The following AK9 variants were observed in gnomAD, a reference collection of about 807,000 sequenced individuals.
The protein encoded by AK9 is adenylate kinase 9, also known as adenylate kinase domain containing 1.
AK9 carries 191 observed loss-of-function variants against 239.6 expected under a neutral mutation model. The observed-to-expected ratio is 0.80, with a 90% CI of 0.71 to 0.90. The LOEUF is 0.90. Among genes scored for constraint, AK9 ranks in the 40% least tolerant of loss-of-function variants. AK9 has a pLI of 0.00. For synonymous variants in AK9, 689 were observed against 721.0 expected, an observed-to-expected ratio of 0.96 and a Z score of 0.71; for missense variants, 1,995 against 2,214.7, an observed-to-expected ratio of 0.90 and a Z score of 1.99.
intron 24 of AK9, among the ~76,000 whole-genome samples, chr6:109,553,684 AC>A (rs1434669779): frequency 1.3e-5 from 2 of 152,094 alleles, no homozygotes; most frequent in Non-Finnish European, 2.9e-5. Context: ...CTATTTGAAT[AC>A]CCTTTATTTC....
At chr6:109,648,652 T>A (rs1798448583) in intron 8 of AK9, among the ~76,000 whole-genome samples, 1 of 152,208 alleles carries the variant, frequency 6.6e-6, no homozygotes, top group African/African-American at 2.4e-5. Context: ...AGCCAAATTC[T>A]ACCAAAGGTA....
At chr6:109,553,691 A>G (rs1784625407) in intron 24 of AK9, among the ~76,000 whole-genome samples, 1 of 152,080 alleles carries the variant, frequency 6.6e-6, no homozygotes, top group African/African-American at 2.4e-5. Context: ...AATACCCTTT[A>G]TTTCTTTATC....
chr6:109,611,407 C>T (rs779435157), intron 16 of AK9, among the ~76,000 whole-genome samples: 4 of 152,274 alleles, frequency 2.6e-5, no homozygotes, highest in Non-Finnish European at 4.4e-5. Context: ...TGCTAGAAGC[C>T]GCTAATTGTC....
intron 12 of AK9, among the ~76,000 whole-genome samples, chr6:109,624,265 T>C (rs1388534581): frequency 6.6e-6 from 1 of 152,146 alleles, no homozygotes; most frequent in African/African-American, 2.4e-5. Context: ...TGGGCTCTCC[T>C]TCCCCCACCA....
intron 8 of AK9, among the ~76,000 whole-genome samples, chr6:109,645,073 C>T (rs1278738085): frequency 6.6e-6 from 1 of 152,130 alleles, no homozygotes; most frequent in East Asian, 1.9e-4. Context: ...TTAGAAGATA[C>T]AACGTATTTT....
At chr6:109,563,836 T>C (rs1191398210) in intron 23 of AK9, 124 bp from the exon 24 acceptor site, 3 of 1,244,416 alleles carry the variant, frequency 2.4e-6, no homozygotes, top group Non-Finnish European at 3.3e-6. Context: ...TAAATATGTA[T>C]GCAAATAGGC....
intron 5 of AK9, among the ~76,000 whole-genome samples, chr6:109,667,234 G>A (rs1801323639): frequency 6.6e-6 from 1 of 151,710 alleles, no homozygotes; most frequent in Non-Finnish European, 1.5e-5. Flanking sequence ...CCCTGGAAGT[G>A]CACATATCTC....
intron 37 of AK9, 59 bp from the exon 38 acceptor site, chr6:109,497,622 T>C: frequency 7.3e-7 from 1 of 1,371,936 alleles, no homozygotes; most frequent in Non-Finnish European, 1.0e-6. Flanking sequence ...CAGTCCTGTG[T>C]AAATAAAAAG....
At position 109,619,108 on chromosome 6, in the gene AK9, C is replaced by A. The variant is rs1382182475; in HGVS notation, c.1383G>T (p.Leu461=). The change falls in exon 13 of 41, where the codon CTG becomes CTT. Residue 461 remains leucine (L), a synonymous_variant. Transcript: ENST00000424296. ...ATGTTTCACCTTGTTTTCTAGCTTGCAGTTCCCTGAGAAGCTTTTCTTTCA... is the reference window on the plus strand; with the variant it reads ...ATGTTTCACCTTGTTTTCTAGCTTGAAGTTCCCTGAGAAGCTTTTCTTTCA... ...KVVKEKLLRE[L]QARKQAETAL... 10 of 1,541,508 alleles carry A rather than the reference C, an allele frequency of 6.5e-6. No individual in the cohort carries two copies. The highest frequency in any genetic ancestry group is 1.4e-5 in the African/African-American group (1 of 72,332).
chr6:109,641,368 T>G (rs1775708965), intron 10 of AK9, 150 bp downstream of exon 10: 1 of 339,092 alleles, frequency 2.9e-6, no homozygotes, highest in Admixed American at 5.0e-5. Context: ...TTTTTTTTTT[T>G]GTAGAGATGG....
chr6:109,499,477 T>G lies in AK9; in HGVS notation c.4850-237A>C, dbSNP rs140851846. On this transcript the variant is annotated intron_variant, in intron 35 of 40. Transcript: ENST00000424296. ...TCTTTTTCAGTCTTTTTTCTATACC[T>G]TCACATACATACTTTTTTGCATATA... Among the ~76,000 whole-genome samples, 470 of 152,336 alleles carry G rather than the reference T, an allele frequency of 3.1e-3. 10 individuals carry two copies. In the East Asian group the frequency reaches 0.059, roughly 19 times the overall value.
intron 8 of AK9, among the ~76,000 whole-genome samples, chr6:109,645,451 C>T (rs1797935298): frequency 6.6e-6 from 1 of 152,228 alleles, no homozygotes; most frequent in Non-Finnish European, 1.5e-5. Flanking sequence ...GAGCCTTGCT[C>T]ACTGCTAGCA....
intron 10 of AK9, among the ~76,000 whole-genome samples, chr6:109,637,952 G>T (rs1441454758): frequency 1.3e-5 from 2 of 152,178 alleles, no homozygotes; most frequent in African/African-American, 4.8e-5. Context: ...ATCAGTCTGG[G>T]ATTTGGGCCT....
chr6:109,655,304 G>A (rs1432190625), intron 8 of AK9, among the ~76,000 whole-genome samples: 15 of 152,170 alleles, frequency 9.9e-5, no homozygotes, highest in Admixed American at 7.9e-4. Flanking sequence ...CAGTGAAGCT[G>A]AACATTTTTT....
At chr6:109,563,462 C>T (rs1366847445) in intron 24 of AK9, 135 bp downstream of exon 24, 6 of 1,325,316 alleles carry the variant, frequency 4.5e-6, no homozygotes, top group African/African-American at 1.5e-5. Context: ...TCAAGTGAAG[C>T]TGAGGCAGAG....
intron 38 of AK9, among the ~76,000 whole-genome samples, chr6:109,495,793 G>A (rs1776970608): frequency 6.6e-6 from 1 of 152,056 alleles, no homozygotes. Flanking sequence ...CACAAGCAGA[G>A]CTACCCACTT....
intron 8 of AK9, among the ~76,000 whole-genome samples, chr6:109,652,101 A>T (rs565448363): frequency 7.9e-5 from 12 of 152,304 alleles, no homozygotes; most frequent in African/African-American, 2.4e-4. Flanking sequence ...GAAACAACAA[A>T]AAAAGAGAAT....
intron 1 of AK9, among the ~76,000 whole-genome samples, chr6:109,683,756 A>T (rs1773034856): frequency 6.6e-6 from 1 of 152,252 alleles, no homozygotes; most frequent in Admixed American, 6.5e-5. Flanking sequence ...GAGAGGACAC[A>T]AACAAATGGA....
At position 109,499,060 on chromosome 6, in the gene AK9, G is replaced by C. The variant is rs746816252; in HGVS notation, c.5030C>G (p.Ser1677Cys). Residue 1677 changes from serine (S) to cysteine (C), a missense_variant, in exon 36 of 41, where the codon TCT (serine) becomes TGT (cysteine). By Grantham distance (112) the Ser-to-Cys change is moderately radical. This residue lies in a region of AK9 where 391 missense variants were observed against 456.0 expected (regional missense o/e 0.86). Transcript: ENST00000424296. ...CAAACTTACATTCAGTTTTTCCTGAGAACTCATTTTATAGTAGTGCCCCCT... is the reference window on the plus strand; with the variant it reads ...CAAACTTACATTCAGTTTTTCCTGACAACTCATTTTATAGTAGTGCCCCCT... ...EFRGHYYKMS[S>C]QEKLNKFLEN... 6 of 1,523,042 alleles carry C rather than the reference G, an allele frequency of 3.9e-6. 1 individual carries two copies. Among genetic ancestry groups the C allele is most frequent in the South Asian group, 2.5e-5 (2 of 78,850 alleles). 94.3% of individuals were successfully genotyped at this position (1,523,042 alleles called of 1,614,324 possible).
Sources: allele counts gnomAD v4.1 joint callset (sites outside exome capture counted in the v4.1 genomes callset), GRCh38; gene constraint gnomAD v4.1.1; regional missense constraint gnomAD v4.1.1; transcripts MANE v1.5; gene names NCBI Gene and HGNC (gene_info 2026-07-23, HGNC 2026-07-21).